The following CDH18 variants were observed in gnomAD, a reference collection of about 807,000 sequenced individuals.
CDH18 encodes the protein cadherin 18.
A neutral mutation model predicts 67.9 loss-of-function variants in CDH18; 31 were observed. The observed-to-expected ratio is 0.46, with a 90% CI of 0.34 to 0.62. The LOEUF is 0.62. Ranked by LOEUF, CDH18 falls within the 20% of genes least tolerant of loss-of-function variation. The pLI is 0.01. For missense variants in CDH18, 890 were observed against 975.5 expected, an observed-to-expected ratio of 0.91 and a Z score of 1.17; for synonymous variants, 362 against 347.2, an observed-to-expected ratio of 1.04 and a Z score of -0.48.
At chr5:20,163,576 A>G (rs1736057881) in intron 2 of CDH18, among the ~76,000 whole-genome samples, 1 of 152,156 alleles carries the variant, frequency 6.6e-6, no homozygotes, top group Non-Finnish European at 1.5e-5. Flanking sequence ...CCATGGACTT[A>G]ATTATGACAG....
At chr5:20,418,908 T>C (rs533341385) in intron 1 of CDH18, among the ~76,000 whole-genome samples, 7 of 152,078 alleles carry the variant, frequency 4.6e-5, no homozygotes, top group Non-Finnish European at 8.8e-5. Flanking sequence ...TTAATGCTTT[T>C]ATACAACAGA....
At chr5:20,469,656 A>T (rs1327551933) in intron 1 of CDH18, among the ~76,000 whole-genome samples, 1 of 152,068 alleles carries the variant, frequency 6.6e-6, no homozygotes, top group Non-Finnish European at 1.5e-5. Flanking sequence ...TTCTCTTATC[A>T]CTAAGCCTGG....
At chr5:20,335,985 G>A (rs547224260) in intron 1 of CDH18, among the ~76,000 whole-genome samples, 1 of 152,140 alleles carries the variant, frequency 6.6e-6, no homozygotes, top group African/African-American at 2.4e-5. Flanking sequence ...AAAATTTTTT[G>A]TAATTAAAAT....
At chr5:20,179,976 G>A (rs1737554745) in intron 2 of CDH18, among the ~76,000 whole-genome samples, 1 of 152,094 alleles carries the variant, frequency 6.6e-6, no homozygotes, top group Admixed American at 6.6e-5. Context: ...AAGACCCCCT[G>A]AAACTATTGC....
At chr5:20,110,047 A>G (rs982916527) in intron 2 of CDH18, among the ~76,000 whole-genome samples, 4 of 152,182 alleles carry the variant, frequency 2.6e-5, no homozygotes, top group Non-Finnish European at 4.4e-5. Context: ...AAGCATATAT[A>G]TTATTTCTCA....
At chr5:20,020,519 T>C (rs1738319197) in intron 2 of CDH18, among the ~76,000 whole-genome samples, 1 of 152,090 alleles carries the variant, frequency 6.6e-6, no homozygotes, top group African/African-American at 2.4e-5. Context: ...CTCAAGACAC[T>C]GCTCCCTGCA....
chr5:20,061,329 A>T (rs10037668), intron 2 of CDH18, among the ~76,000 whole-genome samples: 60 of 152,270 alleles, frequency 3.9e-4, no homozygotes, highest in African/African-American at 1.4e-3. Context: ...AAATGAATAT[A>T]ATTAATTTTA....
intron 2 of CDH18, among the ~76,000 whole-genome samples, chr5:20,150,752 G>T (rs1042058248): frequency 3.9e-5 from 6 of 151,962 alleles, no homozygotes; most frequent in Non-Finnish European, 8.8e-5. Flanking sequence ...TTTCTATGGA[G>T]ACTCTTAACT....
intron 5 of CDH18, among the ~76,000 whole-genome samples, chr5:19,653,948 G>A (rs2150281252): frequency 6.6e-6 from 1 of 152,254 alleles, no homozygotes; most frequent in Middle Eastern, 3.4e-3. Flanking sequence ...ACATTTTCAA[G>A]CATAATCTCT....
chr5:20,115,854 T>A (rs1747865907), intron 2 of CDH18, among the ~76,000 whole-genome samples: 1 of 152,112 alleles, frequency 6.6e-6, no homozygotes, highest in South Asian at 2.1e-4. Context: ...TGGCTAACCA[T>A]GATTATTCTT....
intron 3 of CDH18, among the ~76,000 whole-genome samples, chr5:19,799,066 A>G (rs553540593): frequency 6.6e-6 from 1 of 152,218 alleles, no homozygotes; most frequent in African/African-American, 2.4e-5. Context: ...GTGTGCAGGT[A>G]TCTCTTCATG....
chr5:20,549,417 C>A (rs1757515270), intron 1 of CDH18, among the ~76,000 whole-genome samples: 1 of 152,042 alleles, frequency 6.6e-6, no homozygotes, highest in South Asian at 2.1e-4. Context: ...ATCAAAATAT[C>A]TATCAGCTAT....
intron 2 of CDH18, among the ~76,000 whole-genome samples, chr5:20,147,575 A>C (rs1369451190): frequency 6.6e-6 from 1 of 152,178 alleles, no homozygotes; most frequent in Non-Finnish European, 1.5e-5. Context: ...GCAACGATAC[A>C]TAAATGTTAC....
At chr5:20,164,148 T>C (rs865807539) in intron 2 of CDH18, among the ~76,000 whole-genome samples, 2 of 152,336 alleles carry the variant, frequency 1.3e-5, no homozygotes, top group Middle Eastern at 3.4e-3. Context: ...TATTGGATCA[T>C]GTTGTTTATC....
intron 1 of CDH18, among the ~76,000 whole-genome samples, chr5:20,545,793 C>T (rs1263411046): frequency 1.3e-5 from 2 of 152,208 alleles, no homozygotes; most frequent in Non-Finnish European, 1.5e-5. Context: ...ATTCAGCTCT[C>T]ATTACTTAAG....
intron 1 of CDH18, among the ~76,000 whole-genome samples, chr5:20,336,807 G>C (rs1421043447): frequency 6.7e-6 from 1 of 148,858 alleles, no homozygotes; most frequent in African/African-American, 2.5e-5. Flanking sequence ...CCTAACTTAG[G>C]TGCAGCCACA....
chr5:19,490,523 T>C, intron 11 of CDH18, among the ~76,000 whole-genome samples: 1 of 147,494 alleles, frequency 6.8e-6, no homozygotes, highest in East Asian at 2.1e-4. Flanking sequence ...CAAGTGATTC[T>C]CCTGCCTCAG....
chr5:20,028,492 T>G (rs1342741515), intron 2 of CDH18, among the ~76,000 whole-genome samples: 1 of 152,138 alleles, frequency 6.6e-6, no homozygotes, highest in Admixed American at 6.6e-5. Context: ...TTGGAAATAT[T>G]TACATTTGAG....
At chr5:19,548,770 T>TA (rs1736797233) in intron 8 of CDH18, among the ~76,000 whole-genome samples, 1 of 145,432 alleles carries the variant, frequency 6.9e-6, no homozygotes, top group African/African-American at 2.6e-5. Flanking sequence ...TTTTTTTTTT[T>TA]ATGAAGTGTC....
Sources: gnomAD v4.1 joint callset for allele counts (sites outside exome capture counted in the v4.1 genomes callset) on GRCh38, gnomAD v4.1.1 for gene constraint, MANE v1.5 for transcripts, NCBI Gene and HGNC (gene_info 2026-07-23, HGNC 2026-07-21) for gene names.